Variants in ATXN1 observed in about 807,000 individuals in gnomAD.
ATXN1 encodes ataxin 1, also known as ataxin-1.
Under a neutral mutation model 56.4 loss-of-function variants are expected in ATXN1, and 8 were observed. The observed-to-expected ratio is 0.14, with a 90% CI of 0.08 to 0.26. The LOEUF (loss-of-function observed/expected upper bound fraction) is 0.26, where lower values mean the gene tolerates loss of function less well. ATXN1 is among the 10% of genes least tolerant of loss of function. ATXN1 has a pLI of 1.00. For missense variants in ATXN1, 987 were observed against 1,106.5 expected, an observed-to-expected ratio of 0.89 and a Z score of 1.53; for synonymous variants, 514 against 494.6, an observed-to-expected ratio of 1.04 and a Z score of -0.52.
chr6:16,409,074 A>G (rs149995087), intron 6 of ATXN1, among the ~76,000 whole-genome samples: 2 of 152,370 alleles, frequency 1.3e-5, no homozygotes, highest in East Asian at 3.9e-4. Context: ...GGTTAAGTAT[A>G]CCTCAGTCAT....
At chr6:16,659,217 T>G (rs1758267259) in intron 2 of ATXN1, among the ~76,000 whole-genome samples, 1 of 152,210 alleles carries the variant, frequency 6.6e-6, no homozygotes, top group Non-Finnish European at 1.5e-5. Flanking sequence ...TTTTTATTTT[T>G]TGGATGCTAT....
intron 1 of ATXN1, among the ~76,000 whole-genome samples, chr6:16,755,303 C>A (rs539853017): frequency 7.2e-5 from 11 of 152,080 alleles, no homozygotes; most frequent in South Asian, 6.2e-4. Flanking sequence ...GGGAAGAAGG[C>A]AAGAATACAA....
intron 2 of ATXN1, among the ~76,000 whole-genome samples, chr6:16,710,591 A>G (rs974838558): frequency 6.6e-6 from 1 of 151,918 alleles, no homozygotes. Context: ...TTTGAATTTT[A>G]TTGTTATTAT....
chr6:16,754,907 T>C (rs1760842233), intron 1 of ATXN1, among the ~76,000 whole-genome samples: 1 of 152,206 alleles, frequency 6.6e-6, no homozygotes, highest in Non-Finnish European at 1.5e-5. Flanking sequence ...TTAGTACTTC[T>C]TTAAGGATGA....
At chr6:16,529,201 GTTTT>G (rs1231700488) in intron 4 of ATXN1, among the ~76,000 whole-genome samples, 6 of 143,248 alleles carry the variant, frequency 4.2e-5, no homozygotes, top group African/African-American at 1.4e-4. Flanking sequence ...CTTTGTCAGG[GTTTT>G]TTGTTTTTTT....
At chr6:16,325,486 C>A (rs934163603) in intron 7 of ATXN1, among the ~76,000 whole-genome samples, 1 of 152,080 alleles carries the variant, frequency 6.6e-6, no homozygotes, top group Non-Finnish European at 1.5e-5. Context: ...CACCCCAGAG[C>A]ACACTGGAAT....
chr6:16,345,941 G>T (rs1361034497), intron 6 of ATXN1, among the ~76,000 whole-genome samples: 2 of 152,008 alleles, frequency 1.3e-5, no homozygotes. Flanking sequence ...ACTTAATCAG[G>T]TATTCATTCA....
rs116091802 is a variant in ATXN1 at position 16,703,583 on chromosome 6, C to G, written c.-614-45682G>C. Among the ~76,000 whole-genome samples the G allele has an allele frequency of 2.3e-3, 354 of 152,246 alleles. 3 individuals carry two copies. Among genetic ancestry groups the G allele is most frequent in the African/African-American group, 8.1e-3 (336 of 41,532 alleles). On this transcript the variant is annotated intron_variant, in intron 2 of 7. Coordinates refer to ENST00000436367, the MANE Select transcript of ATXN1 (RefSeq NM_001128164.2). ...ATCATGTAAACAAAAGACTTGGAGACTAACATCTTAATTTTAACAATGACT... is the reference window on the plus strand; with the variant it reads ...ATCATGTAAACAAAAGACTTGGAGAGTAACATCTTAATTTTAACAATGACT...
chr6:16,533,063 T>C (rs1230235271), intron 4 of ATXN1, among the ~76,000 whole-genome samples: 1 of 152,228 alleles, frequency 6.6e-6, no homozygotes, highest in Non-Finnish European at 1.5e-5. Context: ...AAGGAGATTC[T>C]GACACATGCT....
intron 6 of ATXN1, among the ~76,000 whole-genome samples, chr6:16,408,575 G>A (rs2113547487): frequency 6.6e-6 from 1 of 151,962 alleles, no homozygotes; most frequent in East Asian, 1.9e-4. Context: ...CACTAAGTGT[G>A]TATCACGTAT....
intron 4 of ATXN1, among the ~76,000 whole-genome samples, chr6:16,565,309 T>C (rs1762196665): frequency 6.6e-6 from 1 of 152,182 alleles, no homozygotes; most frequent in Non-Finnish European, 1.5e-5. Flanking sequence ...CCAATCCACC[T>C]AATAGGCCAC....
chr6:16,750,793 T>G (rs1012141042), intron 2 of ATXN1, among the ~76,000 whole-genome samples: 1 of 152,110 alleles, frequency 6.6e-6, no homozygotes, highest in Admixed American at 6.5e-5. Context: ...TGACTCCCTT[T>G]CAACACCACA....
rs376290857 is a variant in ATXN1 at position 16,528,169 on chromosome 6, T to A, written c.-360-5481A>T. ...TACAAAAATTAGCCAGGTGTCCTGG[T>A]GCACGCCTGTAATCCCAGCTACTCG... is the stretch of plus-strand genomic sequence containing the variant. On this transcript the variant is annotated intron_variant, in intron 4 of 7. Coordinates refer to ENST00000436367, the MANE Select transcript of ATXN1 (RefSeq NM_001128164.2). Among the ~76,000 whole-genome samples, 11 of 151,926 alleles carry A rather than the reference T, an allele frequency of 7.2e-5. No individual in the cohort carries two copies. The East Asian group carries it at 1.9e-3, about 27-fold the overall frequency.
intron 1 of ATXN1, among the ~76,000 whole-genome samples, chr6:16,759,344 G>A (rs1236308546): frequency 1.3e-5 from 2 of 152,178 alleles, no homozygotes; most frequent in African/African-American, 2.4e-5. Context: ...TTATTCTGTG[G>A]GTGTAATAGG....
intron 3 of ATXN1, among the ~76,000 whole-genome samples, chr6:16,610,754 G>T (rs2113790048): frequency 1.3e-5 from 2 of 152,078 alleles, no homozygotes; most frequent in South Asian, 4.2e-4. Flanking sequence ...CCCAGCACAG[G>T]GGCTCATCCC....
chr6:16,564,296 G>A (rs959666114), intron 4 of ATXN1, among the ~76,000 whole-genome samples: 17 of 138,378 alleles, frequency 1.2e-4, no homozygotes, highest in South Asian at 7.1e-4. Flanking sequence ...ATCGTGAAGC[G>A]AACAAATGTG....
chr6:16,639,102 C>T (rs759557514), intron 3 of ATXN1, among the ~76,000 whole-genome samples: 10 of 152,132 alleles, frequency 6.6e-5, no homozygotes, highest in Admixed American at 1.3e-4. Context: ...GTAAAATGGA[C>T]CAATCAGTGC....
At chr6:16,391,084 C>G (rs1490163138) in intron 6 of ATXN1, among the ~76,000 whole-genome samples, 1 of 147,826 alleles carries the variant, frequency 6.8e-6, no homozygotes, top group African/African-American at 2.5e-5. Context: ...ATCACATGAA[C>G]CTGGGAGGCG....
chr6:16,759,275 C>A (rs1363293350), intron 1 of ATXN1, among the ~76,000 whole-genome samples: 1 of 152,266 alleles, frequency 6.6e-6, no homozygotes, highest in African/African-American at 2.4e-5. Context: ...TGCATACACA[C>A]ATTCCCGTGC....
Sources: gnomAD v4.1 joint callset for allele counts (sites outside exome capture counted in the v4.1 genomes callset) on GRCh38, gnomAD v4.1.1 for gene constraint, MANE v1.5 for transcripts, NCBI Gene and HGNC (gene_info 2026-07-23, HGNC 2026-07-21) for gene names.